The following IDO2 variants were observed in gnomAD, a reference collection of about 807,000 sequenced individuals.
The protein encoded by IDO2 is indoleamine 2,3-dioxygenase-like 1 protein.
In IDO2, 46 loss-of-function variants were observed where a neutral mutation model predicts 45.1. That is an observed-to-expected ratio of 1.02 (90% CI 0.80 to 1.30). The LOEUF is 1.30. Among genes scored for constraint, IDO2 ranks in the 50% most tolerant of loss-of-function variants. The probability of loss-of-function intolerance (pLI) is 0.00; values close to 1 mark genes in which losing one functional copy is unlikely to be tolerated. For missense variants in IDO2, 544 were observed against 491.8 expected, an observed-to-expected ratio of 1.11 and a Z score of -1.00; for synonymous variants, 218 against 184.9, an observed-to-expected ratio of 1.18 and a Z score of -1.45.
chr8:39,973,509 A>C (rs1012117678), intron 3 of IDO2, among the ~76,000 whole-genome samples: 1 of 152,048 alleles, frequency 6.6e-6, no homozygotes, highest in African/African-American at 2.4e-5. Context: ...CAATGAAATC[A>C]GTAAATTTTA....
intron 4 of IDO2, among the ~76,000 whole-genome samples, chr8:39,979,906 A>G (rs1808317306): frequency 6.6e-6 from 1 of 151,896 alleles, no homozygotes; most frequent in Non-Finnish European, 1.5e-5. Flanking sequence ...TGCAGCCTCA[A>G]CTCCTCCCAG....
intron 3 of IDO2, among the ~76,000 whole-genome samples, chr8:39,970,021 A>T (rs980283448): frequency 6.6e-6 from 1 of 152,232 alleles, no homozygotes; most frequent in Non-Finnish European, 1.5e-5. Context: ...AGAAAATTAA[A>T]AGTGCTACTC....
intron 1 of IDO2, among the ~76,000 whole-genome samples, chr8:39,937,944 A>T (rs1470595299): frequency 1.3e-5 from 2 of 152,216 alleles, no homozygotes; most frequent in African/African-American, 4.8e-5. Context: ...AAACAATCTT[A>T]TTGCATTTGT....
intron 2 of IDO2, among the ~76,000 whole-genome samples, chr8:39,952,408 T>C (rs1172635078): frequency 6.6e-6 from 1 of 152,248 alleles, no homozygotes; most frequent in African/African-American, 2.4e-5. Context: ...TTTTGGTTTC[T>C]CACTATAGAT....
chr8:39,993,822 C>A (rs932771883), intron 8 of IDO2, among the ~76,000 whole-genome samples: 2 of 152,032 alleles, frequency 1.3e-5, no homozygotes, highest in African/African-American at 4.8e-5. Flanking sequence ...GGGTAGCCAA[C>A]GTGGTGAAAC....
intron 5 of IDO2, 57 bp downstream of exon 5, chr8:39,982,827 G>A: frequency 8.6e-7 from 1 of 1,159,402 alleles, no homozygotes; most frequent in South Asian, 1.4e-5. Flanking sequence ...GAAACACCCA[G>A]GCTTTTTTTT....
chr8:39,972,063 G>T (rs1380046745), intron 3 of IDO2, among the ~76,000 whole-genome samples: 1 of 152,134 alleles, frequency 6.6e-6, no homozygotes, highest in African/African-American at 2.4e-5. Context: ...ACCCACCTTG[G>T]CCTCCCAAAG....
At chr8:39,976,414 A>G (rs1034247247) in intron 3 of IDO2, among the ~76,000 whole-genome samples, 1 of 152,238 alleles carries the variant, frequency 6.6e-6, no homozygotes, top group African/African-American at 2.4e-5. Context: ...AGAGGTACAC[A>G]GAGGGTTGCA....
intron 9 of IDO2, among the ~76,000 whole-genome samples, chr8:40,006,288 T>A (rs2909332): frequency 0.1 from 15,967 of 152,304 alleles, 933 homozygotes; most frequent in Middle Eastern, 0.19. Flanking sequence ...TTCCATAACA[T>A]ATTCAACATG....
intron 9 of IDO2, among the ~76,000 whole-genome samples, chr8:40,009,438 CAA>C (rs771651973): frequency 1.7e-5 from 2 of 120,892 alleles, no homozygotes; most frequent in Non-Finnish European, 1.7e-5. Flanking sequence ...TTAGCCTTTG[CAA>C]AAAAAAAAAA....
At chr8:40,004,556 T>TAGATAGAC (rs1334407902) in intron 8 of IDO2, among the ~76,000 whole-genome samples, 1 of 151,770 alleles carries the variant, frequency 6.6e-6, no homozygotes, top group Non-Finnish European at 1.5e-5. Context: ...GATAGATAGA[T>TAGATAGAC]AGATAGATAG....
chr8:39,966,573 G>A (rs896741795), intron 3 of IDO2, among the ~76,000 whole-genome samples: 5 of 152,194 alleles, frequency 3.3e-5, no homozygotes, highest in African/African-American at 1.2e-4. Flanking sequence ...AACACAATAA[G>A]TGAATTTACA....
chr8:39,975,159 G>GTTTTT (rs368341548), intron 3 of IDO2, among the ~76,000 whole-genome samples: 1 of 142,516 alleles, frequency 7.0e-6, no homozygotes. Context: ...CAACATTGGA[G>GTTTTT]TTTTTTTTTT....
At chr8:39,943,175 G>A (rs1807673420) in intron 1 of IDO2, among the ~76,000 whole-genome samples, 3 of 151,950 alleles carry the variant, frequency 2.0e-5, no homozygotes, top group East Asian at 1.9e-4. Flanking sequence ...TGAGACCAGC[G>A]TGACTAACGT....
At chr8:39,992,812 T>C (rs1357604128) in intron 8 of IDO2, among the ~76,000 whole-genome samples, 1 of 152,120 alleles carries the variant, frequency 6.6e-6, no homozygotes, top group Non-Finnish European at 1.5e-5. Context: ...AATCCCTTCA[T>C]CCATAAATAC....
intron 2 of IDO2, among the ~76,000 whole-genome samples, chr8:39,952,507 A>G (rs902552671): frequency 6.6e-6 from 1 of 152,236 alleles, no homozygotes; most frequent in African/African-American, 2.4e-5. Flanking sequence ...TTAGTTTCAA[A>G]TATTCTATCC....
At chr8:39,967,229 A>T (rs1239116561) in intron 3 of IDO2, among the ~76,000 whole-genome samples, 1 of 152,206 alleles carries the variant, frequency 6.6e-6, no homozygotes, top group African/African-American at 2.4e-5. Flanking sequence ...GAATCCCATA[A>T]GCAGATGGGT....
intron 1 of IDO2, among the ~76,000 whole-genome samples, chr8:39,938,951 T>G (rs1029257907): frequency 3.3e-5 from 5 of 152,134 alleles, no homozygotes; most frequent in Non-Finnish European, 7.4e-5. Context: ...GAGGATATGG[T>G]GCAGTAGAAA....
intron 9 of IDO2, among the ~76,000 whole-genome samples, chr8:40,008,336 A>G (rs1215198908): frequency 6.6e-6 from 1 of 152,122 alleles, no homozygotes; most frequent in Non-Finnish European, 1.5e-5. Flanking sequence ...ATGAGCCATC[A>G]TGCCCAGCCA....
Sources: allele counts gnomAD v4.1 joint callset (sites outside exome capture counted in the v4.1 genomes callset), GRCh38; gene constraint gnomAD v4.1.1; transcripts MANE v1.5; gene names NCBI Gene and HGNC (gene_info 2026-07-23, HGNC 2026-07-21).